Variants in CRAMP1 observed in about 807,000 individuals in gnomAD.
CRAMP1 encodes the protein protein cramped-like.
Under a neutral mutation model 115.4 loss-of-function variants are expected in CRAMP1, and 50 were observed. The observed-to-expected ratio is 0.43, with a 90% CI of 0.35 to 0.55. The LOEUF is 0.55. Ranked by LOEUF, CRAMP1 falls within the 20% of genes least tolerant of loss-of-function variation. The probability of loss-of-function intolerance (pLI) is 0.01; values close to 1 mark genes in which losing one functional copy is unlikely to be tolerated. For synonymous variants in CRAMP1, 866 were observed against 745.4 expected (o/e 1.16, Z -2.64); for missense variants, 1,679 against 1,721.7 (o/e 0.98, Z 0.44).
At chr16:1,631,006 T>C (rs113521680) in intron 3 of CRAMP1, among the ~76,000 whole-genome samples, 371 of 152,360 alleles carry the variant, frequency 2.4e-3, no homozygotes, top group African/African-American at 8.6e-3. Context: ...GGTCATGGCT[T>C]GGCTTTGAGG....
chr16:1,634,139 C>T (rs967414045), intron 4 of CRAMP1, among the ~76,000 whole-genome samples: 2 of 152,126 alleles, frequency 1.3e-5, no homozygotes, highest in South Asian at 4.2e-4. Context: ...GGGGACTGGG[C>T]AGCTGTTTAG....
chr16:1,662,665 C>T lies in CRAMP1; in HGVS notation c.2589C>T (p.Ser863=). 6.2e-7 allele frequency: 1 copy of T among 1,614,040 alleles called. No individual in the cohort carries two copies. Among genetic ancestry groups the T allele is most frequent in the Non-Finnish European group, 8.5e-7 (1 of 1,179,894 alleles). ...TGACTTTCCGCCAGCATCTGAACTC[C>T]ATCAGTGTGAGTGTGTGGGGCCGGG... ...AELTFRQHLN[S]ISMQSDFFLP... The change falls in exon 12 of 21, where the codon TCC becomes TCT. Residue 863 remains serine (S), a synonymous_variant. Transcript: ENST00000397412.
chr16:1,653,962 A>G (rs2036747205), intron 8 of CRAMP1, among the ~76,000 whole-genome samples: 1 of 151,728 alleles, frequency 6.6e-6, no homozygotes, highest in African/African-American at 2.4e-5. Flanking sequence ...CAAGATGGTG[A>G]AACCCTGTCT....
At position 1,672,011 on chromosome 16, in the gene CRAMP1, GTC is replaced by G. The variant is rs2036927097; in HGVS notation, c.3645+1206_3645+1207del. 6.6e-6 allele frequency among the ~76,000 whole-genome samples: 1 copy of G among 152,350 alleles called. No homozygotes were observed. The highest frequency in any genetic ancestry group is 2.1e-4 in the South Asian group (1 of 4,828). ...GACTCTGATGTTTCCCGAGAAGCCA[GTC>G]TCTGTCTCTTCCCCTGTTTGTGCGC... On this transcript the variant is annotated intron_variant, in intron 20 of 20. Coordinates refer to ENST00000397412, the MANE Select transcript of CRAMP1 (RefSeq NM_020825.4). This position sits in a 1 kb window ranked among gnomAD's most constrained non-coding sequence, Gnocchi z 4.9.
chr16:1,638,117 A>T (rs1003221297), intron 5 of CRAMP1, among the ~76,000 whole-genome samples: 2 of 152,178 alleles, frequency 1.3e-5, no homozygotes, highest in African/African-American at 4.8e-5. Flanking sequence ...TTCTCCATGC[A>T]CATGCACACA....
Position 1,672,814 on chromosome 16 carries a change from G to A in CRAMP1, c.3646-1067G>A, listed in dbSNP as rs149202313. Among the ~76,000 whole-genome samples, 410 of 152,318 alleles carry A rather than the reference G, an allele frequency of 2.7e-3. No homozygotes were observed. The highest frequency in any genetic ancestry group is 9.4e-3 in the African/African-American group (389 of 41,554). ...GTATTTGCTCATGGGACAAGATCCC[G>A]GTGCCGAGGCCCTCCCGTCCTCCGT... On this transcript the variant is annotated intron_variant, in intron 20 of 20. Transcript: ENST00000397412. The surrounding 1 kb of genome is among the most constrained non-coding windows in gnomAD (Gnocchi z 4.9).
chr16:1,615,085 C>G lies in CRAMP1; in HGVS notation c.346+100C>G. 3 of 674,130 alleles carry G rather than the reference C, an allele frequency of 4.5e-6. No individual in the cohort carries two copies. In the South Asian group the frequency reaches 2.4e-4, roughly 53 times the overall value. The allele number at this position is 674,130 out of a possible 1,614,324, so 41.8% of individuals were successfully genotyped here. ...CCAGCCGGGCTCCACCCTAGCTCACCCATCCCGCGGCCTACACTGAGGCTC... is the reference window on the plus strand; with the variant it reads ...CCAGCCGGGCTCCACCCTAGCTCACGCATCCCGCGGCCTACACTGAGGCTC... On this transcript the variant is annotated intron_variant, in intron 2 of 20. Coordinates refer to ENST00000397412, the MANE Select transcript of CRAMP1 (RefSeq NM_020825.4).
Position 1,671,308 on chromosome 16 carries a change from C to T in CRAMP1, c.3645+499C>T, listed in dbSNP as rs190394335. Among the ~76,000 whole-genome samples, 56 of 152,306 alleles carry T rather than the reference C, an allele frequency of 3.7e-4. No homozygotes were observed. The highest frequency in any genetic ancestry group is 1.1e-3 in the African/African-American group (45 of 41,578). On this transcript the variant is annotated intron_variant, in intron 20 of 20. Transcript: ENST00000397412. The surrounding 1 kb of genome is among the most constrained non-coding windows in gnomAD (Gnocchi z 5.0). Reference sequence around the variant, plus strand: ...GATGGGCTCTGCTGTCCTCATGCTTCTCCCACGCCCAGGGTAGTGATAGGA... The same window carrying T: ...GATGGGCTCTGCTGTCCTCATGCTTTTCCCACGCCCAGGGTAGTGATAGGA...
chr16:1,655,835 C>T, intron 9 of CRAMP1, 42 bp from the exon 10 acceptor site: 1 of 1,571,930 alleles, frequency 6.4e-7, no homozygotes, highest in Non-Finnish European at 8.7e-7. Flanking sequence ...GCATCCCGAC[C>T]TCAGTGCTAG....
intron 6 of CRAMP1, 150 bp downstream of exon 6, chr16:1,641,337 C>G (rs1423284438): frequency 3.0e-6 from 2 of 656,682 alleles, no homozygotes; most frequent in East Asian, 5.4e-5. Flanking sequence ...ACAAAAGGTG[C>G]TTGGTCCAGG....
In CRAMP1 at chr16:1,656,019, T is replaced by C. The variant is rs973250261; in HGVS notation, c.1262T>C (p.Phe421Ser). 9 of 1,612,614 alleles carry C rather than the reference T, an allele frequency of 5.6e-6. No homozygotes were observed. In the African/African-American group the frequency reaches 1.1e-4, roughly 19 times the overall value. The change falls in exon 10 of 21, where the codon TTC becomes TCC. Residue 421 changes from phenylalanine (F) to serine (S), a missense_variant. Transcript: ENST00000397412. This position sits in a 1 kb window ranked among gnomAD's most constrained non-coding sequence, Gnocchi z 5.6. Reference protein sequence around the residue: ...GVARVVHSKAFCTVHWQEGGR... With the variant: ...GVARVVHSKASCTVHWQEGGR... ...GCTCGCGTGGTGCACTCCAAGGCCT[T>C]CTGCACAGTGCACTGGCAGGAGGGC...
At chr16:1,616,673 C>G (rs950467546) in intron 2 of CRAMP1, among the ~76,000 whole-genome samples, 4 of 152,160 alleles carry the variant, frequency 2.6e-5, no homozygotes, top group South Asian at 2.1e-4. Context: ...GTTGCTGGCA[C>G]TTCTTTCTTT....
intron 2 of CRAMP1, among the ~76,000 whole-genome samples, chr16:1,623,323 C>G (rs1243246203): frequency 6.6e-6 from 1 of 152,228 alleles, no homozygotes; most frequent in East Asian, 1.9e-4. Context: ...GTTGTGCCTT[C>G]TTTTCACATC....
intron 16 of CRAMP1, 137 bp from the exon 17 acceptor site, chr16:1,667,198 C>G: frequency 1.5e-6 from 1 of 675,106 alleles, no homozygotes; most frequent in Non-Finnish European, 2.7e-6. Flanking sequence ...CCTTAGACCC[C>G]TGTCCATTTA....
chr16:1,653,193 G>C (rs1455893900), intron 8 of CRAMP1, 37 bp downstream of exon 8: 1 of 1,592,354 alleles, frequency 6.3e-7, no homozygotes. Flanking sequence ...GGTCCCAACT[G>C]CTTGAGCAGG....
chr16:1,613,893 A>C (rs373216438), intron 1 of CRAMP1, among the ~76,000 whole-genome samples: 1 of 152,172 alleles, frequency 6.6e-6, no homozygotes, highest in Non-Finnish European at 1.5e-5. Flanking sequence ...CCTGGGAAGA[A>C]GATTCCCAGA....
chr16:1,631,691 A>G (rs1369454611), intron 3 of CRAMP1, among the ~76,000 whole-genome samples: 3 of 152,356 alleles, frequency 2.0e-5, no homozygotes, highest in Non-Finnish European at 2.9e-5. Flanking sequence ...GAAGCGTTCC[A>G]AGAAGGGTTG....
chr16:1,644,090 A>G (rs548323819), intron 6 of CRAMP1, among the ~76,000 whole-genome samples: 1 of 152,164 alleles, frequency 6.6e-6, no homozygotes, highest in African/African-American at 2.4e-5. Flanking sequence ...GTAGCCAAGG[A>G]TTTTGGCAAA....
At chr16:1,624,643 A>G (rs1035917174) in intron 2 of CRAMP1, among the ~76,000 whole-genome samples, 2 of 152,022 alleles carry the variant, frequency 1.3e-5, no homozygotes, top group Non-Finnish European at 2.9e-5. Flanking sequence ...CAGTGGCGCG[A>G]TCTCGGCTCA....
Sources: allele counts gnomAD v4.1 joint callset (sites outside exome capture counted in the v4.1 genomes callset), GRCh38; gene constraint gnomAD v4.1.1; non-coding constraint Gnocchi (gnomAD v3.1); transcripts MANE v1.5; gene names NCBI Gene and HGNC (gene_info 2026-07-23, HGNC 2026-07-21).